Variants in MEGF10 observed in about 807,000 individuals in gnomAD.
MEGF10 encodes multiple epidermal growth factor-like domains protein 10.
MEGF10 carries 86 observed loss-of-function variants against 147.5 expected under a neutral mutation model. The ratio of observed to expected loss-of-function variants is 0.58; its 90% CI spans 0.49 to 0.70. MEGF10 has a LOEUF of 0.70. Among genes scored for constraint, MEGF10 ranks in the 30% least tolerant of loss-of-function variants. The pLI is 0.00. For missense variants in MEGF10, 1,329 were observed against 1,487.3 expected, an observed-to-expected ratio of 0.89 and a Z score of 1.75; for synonymous variants, 478 against 525.5, an observed-to-expected ratio of 0.91 and a Z score of 1.24.
chr5:127,377,167 CT>C (rs1444291475), intron 5 of MEGF10, among the ~76,000 whole-genome samples: 1 of 152,196 alleles, frequency 6.6e-6, no homozygotes, highest in Non-Finnish European at 1.5e-5. Flanking sequence ...GTATGACTTA[CT>C]TTAAGCAATA....
At chr5:127,433,231 G>A in intron 13 of MEGF10, 132 bp from the exon 14 acceptor site, 1 of 1,017,722 alleles carries the variant, frequency 9.8e-7, no homozygotes, top group African/African-American at 1.6e-5. Context: ...TTATAAGATG[G>A]TAACTCTCCA....
chr5:127,268,212 A>T, the MEGF10 span, among the ~76,000 whole-genome samples: 4 of 152,146 alleles, frequency 2.6e-5, no homozygotes, highest in Non-Finnish European at 5.9e-5. Context: ...TTCAGTTTCC[A>T]GGTAGTTGAG....
intron 1 of MEGF10, among the ~76,000 whole-genome samples, chr5:127,324,688 T>C (rs1379380820): frequency 6.6e-6 from 1 of 152,118 alleles, no homozygotes; most frequent in Admixed American, 6.6e-5. Context: ...AAACACCTCT[T>C]TCATCAAATA....
intron 4 of MEGF10, among the ~76,000 whole-genome samples, chr5:127,365,964 G>C (rs1762638320): frequency 6.6e-6 from 1 of 152,192 alleles, no homozygotes; most frequent in Non-Finnish European, 1.5e-5. Context: ...CATCTGCTAA[G>C]TGGACCTCTG....
chr5:127,370,963 A>G (rs1762824541), intron 5 of MEGF10, among the ~76,000 whole-genome samples: 1 of 152,208 alleles, frequency 6.6e-6, no homozygotes, highest in Non-Finnish European at 1.5e-5. Flanking sequence ...TAATTTTTTG[A>G]AATTAGTCTG....
chr5:127,268,043 T>C, the MEGF10 span, among the ~76,000 whole-genome samples: 1 of 152,218 alleles, frequency 6.6e-6, no homozygotes, highest in East Asian at 1.9e-4. Flanking sequence ...TCCTGCTTTC[T>C]CTTGTGGGCA....
chr5:127,294,324 C>CCCATAT, intron 1 of MEGF10, among the ~76,000 whole-genome samples: 1 of 152,106 alleles, frequency 6.6e-6, no homozygotes. Context: ...ATACAAGTGG[C>CCCATAT]TGGCCCATAG....
intron 13 of MEGF10, among the ~76,000 whole-genome samples, chr5:127,428,141 A>AT (rs66935934): frequency 0.14 from 14,921 of 103,568 alleles, 1,278 homozygotes; most frequent in African/African-American, 0.22. Context: ...GGTGTCTGGT[A>AT]TTTTTTTTTT....
chr5:127,325,367 T>C (rs558315717), intron 1 of MEGF10, among the ~76,000 whole-genome samples: 12 of 152,280 alleles, frequency 7.9e-5, no homozygotes, highest in African/African-American at 2.9e-4. Context: ...CCTTAGATCT[T>C]TAATGAGTAT....
At chr5:127,415,397 TAAG>T (rs1363949401) in intron 9 of MEGF10, among the ~76,000 whole-genome samples, 1 of 152,144 alleles carries the variant, frequency 6.6e-6, no homozygotes, top group Non-Finnish European at 1.5e-5. Flanking sequence ...TGCAGAGTTT[TAAG>T]AAGGAGAATG....
intron 22 of MEGF10, among the ~76,000 whole-genome samples, chr5:127,449,923 GTTAA>G (rs1766091141): frequency 6.6e-6 from 1 of 151,556 alleles, no homozygotes; most frequent in African/African-American, 2.4e-5. Flanking sequence ...AAAATAGAAT[GTTAA>G]TTTATTTAAA....
intron 19 of MEGF10, 131 bp from the exon 20 acceptor site, chr5:127,445,326 C>G (rs570383839): frequency 1.4e-6 from 1 of 719,400 alleles, no homozygotes; most frequent in Non-Finnish European, 2.4e-6. Flanking sequence ...TCTTCCTGCT[C>G]TGTTTCCAAA....
the MEGF10 span, among the ~76,000 whole-genome samples, chr5:127,264,332 A>C: frequency 6.6e-6 from 1 of 152,176 alleles, no homozygotes; most frequent in Non-Finnish European, 1.5e-5. Context: ...AAACTGTATC[A>C]GAGATATATT....
intron 1 of MEGF10, among the ~76,000 whole-genome samples, chr5:127,298,057 TGGCTTGAG>T (rs900748356): frequency 6.6e-6 from 1 of 152,214 alleles, no homozygotes; most frequent in African/African-American, 2.4e-5. Flanking sequence ...ACCAAATGTG[TGGCTTGAG>T]TGTTTAGAAT....
intron 20 of MEGF10, among the ~76,000 whole-genome samples, chr5:127,446,575 T>C (rs572378283): frequency 2.0e-5 from 3 of 152,252 alleles, no homozygotes; most frequent in Middle Eastern, 3.4e-3. Flanking sequence ...GAAAAGGAAT[T>C]TGGGGGAAAG....
chr5:127,428,618 C>A (rs770115457), intron 13 of MEGF10, among the ~76,000 whole-genome samples: 20 of 152,194 alleles, frequency 1.3e-4, no homozygotes, highest in Admixed American at 6.5e-5. Flanking sequence ...TTACCAAGCC[C>A]AATTATTATT....
At chr5:127,294,877 A>G (rs1468878044) in intron 1 of MEGF10, among the ~76,000 whole-genome samples, 1 of 151,392 alleles carries the variant, frequency 6.6e-6, no homozygotes, top group Non-Finnish European at 1.5e-5. Flanking sequence ...GAATATCCTA[A>G]GAGGACTTAT....
chr5:127,304,827 GA>G (rs766683006), intron 1 of MEGF10, among the ~76,000 whole-genome samples: 1 of 152,030 alleles, frequency 6.6e-6, no homozygotes, highest in Non-Finnish European at 1.5e-5. Context: ...TATTCAGAAG[GA>G]TGCCTCGAAG....
chr5:127,339,062 T>G, intron 2 of MEGF10, 58 bp from the exon 3 acceptor site: 1 of 1,095,824 alleles, frequency 9.1e-7, no homozygotes, highest in Non-Finnish European at 1.3e-6. Context: ...AAATACATAG[T>G]ATATTATTAA....
Sources: allele counts gnomAD v4.1 joint callset (sites outside exome capture counted in the v4.1 genomes callset), GRCh38; gene constraint gnomAD v4.1.1; transcripts MANE v1.5; gene names NCBI Gene and HGNC (gene_info 2026-07-23, HGNC 2026-07-21).